Variants in PCMT1 observed in about 807,000 individuals in gnomAD.
PCMT1 encodes the protein protein-L-isoaspartate (D-aspartate) O-methyltransferase, also known as protein-L-isoaspartate(D-aspartate) O-methyltransferase.
A neutral mutation model predicts 29.2 loss-of-function variants in PCMT1; 9 were observed. The observed-to-expected ratio is 0.31, with a 90% confidence interval of 0.19 to 0.54. The LOEUF is 0.54. PCMT1 is among the 20% of genes least tolerant of loss of function. The pLI, the probability that PCMT1 is intolerant of heterozygous loss-of-function variation, is 0.95. For synonymous variants in PCMT1, 98 were observed against 97.5 expected, an observed-to-expected ratio of 1.00 and a Z score of -0.03; for missense variants, 184 against 282.2, an observed-to-expected ratio of 0.65 and a Z score of 2.49.
chr6:149,760,697 C>T (rs766576157), intron 1 of PCMT1, among the ~76,000 whole-genome samples: 22 of 152,142 alleles, frequency 1.4e-4, no homozygotes, highest in Non-Finnish European at 2.8e-4. Flanking sequence ...ACTAAAAATA[C>T]AAAAAATAGC....
intron 1 of PCMT1, among the ~76,000 whole-genome samples, chr6:149,751,267 A>G (rs1786302791): frequency 6.6e-6 from 1 of 152,146 alleles, no homozygotes. Context: ...CAGTGAGCCA[A>G]GATCTTGCCA....
Position 149,794,487 on chromosome 6 carries a change from G to A in PCMT1, c.418+818G>A, listed in dbSNP as rs1032559745. The stretch of plus-strand genomic sequence containing the variant: ...ACAAAAATAAGCTGGGCGTGGTGGC[G>A]CACGCCTGTAGTCCTAGCTACTCGG... On this transcript the variant is annotated intron_variant, in intron 5 of 7. Transcript: ENST00000464889. Among the ~76,000 whole-genome samples the A allele has an allele frequency of 1.2e-4, 19 of 152,154 alleles. 1 individual carries two copies. The highest frequency in any genetic ancestry group is 4.2e-4 in the South Asian group (2 of 4,818).
At chr6:149,769,110 A>AT (rs1297763590) in intron 1 of PCMT1, among the ~76,000 whole-genome samples, 3 of 151,874 alleles carry the variant, frequency 2.0e-5, no homozygotes, top group African/African-American at 7.3e-5. Flanking sequence ...TTTTATTTGC[A>AT]TTTAGTTTTC....
intron 2 of PCMT1, among the ~76,000 whole-genome samples, 194 bp downstream of exon 2, chr6:149,771,460 AATAT>A (rs1418041027): frequency 6.6e-6 from 1 of 152,218 alleles, no homozygotes; most frequent in African/African-American, 2.4e-5. Context: ...TTTCTCGAAC[AATAT>A]ATAATATGTA....
At chr6:149,799,557 C>T (rs1467371493) in intron 6 of PCMT1, among the ~76,000 whole-genome samples, 1 of 152,176 alleles carries the variant, frequency 6.6e-6, no homozygotes, top group Non-Finnish European at 1.5e-5. Flanking sequence ...TCACAAAATG[C>T]TTCTGAAGGA....
intron 3 of PCMT1, among the ~76,000 whole-genome samples, chr6:149,786,172 CAA>C (rs1562414389): frequency 1.5e-4 from 17 of 114,594 alleles, no homozygotes; most frequent in Admixed American, 3.5e-4. Context: ...GCTGACCCCC[CAA>C]CCTCCCTCCC....
At chr6:149,762,233 A>G (rs1166671479) in intron 1 of PCMT1, among the ~76,000 whole-genome samples, 10 of 151,728 alleles carry the variant, frequency 6.6e-5, no homozygotes, top group African/African-American at 2.2e-4. Flanking sequence ...CTTGGATTCT[A>G]TTGTAGTCTC....
In PCMT1 at chr6:149,793,593, G is replaced by T; in HGVS notation, c.342G>T (p.Glu114Asp). 1 of 1,559,572 alleles carries T rather than the reference G, an allele frequency of 6.4e-7. No homozygotes were observed. The highest frequency in any genetic ancestry group is 1.2e-5 in the South Asian group (1 of 80,520). ...TCATAGGAATTGATCACATTAAAGAGCTAGTAGATGACTCAGTAAATAATG... is the reference window on the plus strand; with the variant it reads ...TCATAGGAATTGATCACATTAAAGATCTAGTAGATGACTCAGTAAATAATG... ...GKVIGIDHIKELVDDSVNNVR... is the reference protein window; with the variant it reads ...GKVIGIDHIKDLVDDSVNNVR... Residue 114 changes from glutamate (E) to aspartate (D), a missense_variant, in exon 5 of 8, where the codon GAG becomes GAT. Glu to Asp is a conservative substitution (Grantham distance 45, BLOSUM62 2). Transcript: ENST00000464889.
intron 5 of PCMT1, 58 bp downstream of exon 5, chr6:149,793,727 A>C: frequency 7.1e-7 from 1 of 1,411,822 alleles, no homozygotes; most frequent in Non-Finnish European, 9.4e-7. Context: ...CAGAAGATCC[A>C]ATGCAAGCTA....
At chr6:149,786,632 A>G (rs1219313103) in intron 3 of PCMT1, among the ~76,000 whole-genome samples, 1 of 143,422 alleles carries the variant, frequency 7.0e-6, no homozygotes, top group Non-Finnish European at 1.5e-5. Context: ...CTCACCTCCC[A>G]GACGGGGTCG....
intron 7 of PCMT1, among the ~76,000 whole-genome samples, chr6:149,805,709 G>A (rs1388464698): frequency 2.0e-5 from 3 of 151,824 alleles, no homozygotes; most frequent in Non-Finnish European, 2.9e-5. Flanking sequence ...AGGCTGAGGC[G>A]GGCGGATCAC....
chr6:149,777,994 AGC>A (rs1470015728), intron 3 of PCMT1, among the ~76,000 whole-genome samples: 20 of 146,638 alleles, frequency 1.4e-4, no homozygotes, highest in African/African-American at 5.0e-4. Context: ...CTCCTGCCTC[AGC>A]CTCTCAGATA....
rs1221115565 is a variant in PCMT1, at chr6:149,750,095, C to G, written c.55+139C>G. ...CGGCGCAGAGTTGCCCCGGTAGTCC[C>G]GAACGGCGTGCGCTTGCAGTCGCCT... On this transcript the variant is annotated intron_variant, in intron 1 of 7. Transcript: ENST00000464889. 3.2e-6 allele frequency: 4 copies of G among 1,232,582 alleles called. No individual in the cohort carries two copies. In the African/African-American group the frequency reaches 4.6e-5, roughly 14 times the overall value. The allele number at this position is 1,232,582 out of a possible 1,614,324, so 76.4% of individuals were successfully genotyped here.
chr6:149,786,885 G>C (rs538777143), intron 3 of PCMT1, among the ~76,000 whole-genome samples: 167 of 146,242 alleles, frequency 1.1e-3, no homozygotes, highest in Non-Finnish European at 1.8e-3. Flanking sequence ...GTGGCGGCCG[G>C]GCAGAGGCTG....
chr6:149,802,283 C>T lies in PCMT1; in HGVS notation c.588C>T (p.Asp196=), dbSNP rs1256423090. 1 of 1,613,436 alleles carries T rather than the reference C, an allele frequency of 6.2e-7. No individual in the cohort carries two copies. The highest frequency in any genetic ancestry group is 8.5e-7 in the Non-Finnish European group (1 of 1,179,736). Residue 196 remains aspartate, a synonymous_variant, in exon 7 of 8, where the codon GAC becomes GAT. Coordinates refer to ENST00000464889, the MANE Select transcript of PCMT1 (RefSeq NM_001360452.2). ...AGGNQMLEQY[D]KLQDGSIKMK... ...GAAACCAAATGTTGGAGCAGTATGA[C>T]AAGCTACAAGATGGCAGCATCAAAA...
intron 4 of PCMT1, among the ~76,000 whole-genome samples, chr6:149,790,763 C>G (rs1788332771): frequency 6.6e-6 from 1 of 152,088 alleles, no homozygotes; most frequent in Non-Finnish European, 1.5e-5. Flanking sequence ...AATCCCAGCA[C>G]TTTGGGAGGC....
At chr6:149,761,329 TATTA>T (rs1175761642) in intron 1 of PCMT1, among the ~76,000 whole-genome samples, 1 of 152,088 alleles carries the variant, frequency 6.6e-6, no homozygotes, top group East Asian at 1.9e-4. Context: ...GAATTGAGAA[TATTA>T]ATTTTTAATC....
chr6:149,787,755 C>T (rs1376452029), intron 3 of PCMT1, among the ~76,000 whole-genome samples: 1 of 152,134 alleles, frequency 6.6e-6, no homozygotes, highest in Admixed American at 6.5e-5. Context: ...CACAGTCTTA[C>T]CATTGGTAAA....
chr6:149,793,508 A>C (rs1788466914), intron 4 of PCMT1, 41 bp from the exon 5 acceptor site: 2 of 1,396,874 alleles, frequency 1.4e-6, no homozygotes, highest in Admixed American at 5.7e-5. Context: ...AGAAAAACAA[A>C]TTTAGCCCAA....
Sources: gnomAD v4.1 joint callset for allele counts (sites outside exome capture counted in the v4.1 genomes callset) on GRCh38, gnomAD v4.1.1 for gene constraint, MANE v1.5 for transcripts, NCBI Gene and HGNC (gene_info 2026-07-23, HGNC 2026-07-21) for gene names.